The following DNAH8 variants were observed in gnomAD, a reference collection of about 807,000 sequenced individuals.
DNAH8 encodes axonemal beta dynein heavy chain 8.
Under a neutral mutation model 562.1 loss-of-function variants are expected in DNAH8, and 382 were observed. That is an observed-to-expected ratio of 0.68 (90% confidence interval 0.63 to 0.74). The LOEUF (loss-of-function observed/expected upper bound fraction) is 0.74. DNAH8 is among the 30% of genes least tolerant of loss of function. The pLI is 0.00. For missense variants in DNAH8, 5,203 were observed against 5,620.4 expected, an observed-to-expected ratio of 0.93 and a Z score of 2.37; for synonymous variants, 1,881 against 1,919.4, an observed-to-expected ratio of 0.98 and a Z score of 0.52.
At chr6:38,821,154 C>A (rs1388251504) in intron 26 of DNAH8, among the ~76,000 whole-genome samples, 1 of 152,162 alleles carries the variant, frequency 6.6e-6, no homozygotes, top group African/African-American at 2.4e-5. Context: ...TTCAGTAAGA[C>A]TGCAGGATAC....
intron 88 of DNAH8, among the ~76,000 whole-genome samples, chr6:38,998,409 G>T (rs1266673253): frequency 6.6e-6 from 1 of 152,240 alleles, no homozygotes; most frequent in East Asian, 1.9e-4. Context: ...AAAAATGGTT[G>T]CTTATTTTCA....
At position 38,989,868 on chromosome 6, in the gene DNAH8, T is replaced by C. The variant is rs868320894; in HGVS notation, c.13054-144T>C. ...TTCTCCATATATGTGGTAATTATTC[T>C]ATCAGTAGTATTGTTAAAGCATTCT... On this transcript the variant is annotated intron_variant, in intron 87 of 92. Coordinates refer to ENST00000327475, the MANE Select transcript of DNAH8 (RefSeq NM_001206927.2). 5.4e-6 allele frequency: 3 copies of C among 552,978 alleles called. No homozygotes were observed. In the South Asian group the frequency reaches 7.8e-5, roughly 14 times the overall value. 34.3% of individuals were successfully genotyped at this position (552,978 alleles called of 1,614,324 possible).
chr6:38,882,713 G>T (rs1778596026), intron 53 of DNAH8, among the ~76,000 whole-genome samples, 197 bp from the exon 54 acceptor site: 1 of 151,980 alleles, frequency 6.6e-6, no homozygotes, highest in South Asian at 2.1e-4. Flanking sequence ...TTTAAAAGCT[G>T]ACTTTATAAA....
chr6:39,016,318 G>A (rs1249051718), intron 91 of DNAH8, among the ~76,000 whole-genome samples: 2 of 152,180 alleles, frequency 1.3e-5, no homozygotes, highest in Middle Eastern at 3.4e-3. Flanking sequence ...TTGGGAGGCC[G>A]AGGCGGGCGG....
intron 21 of DNAH8, among the ~76,000 whole-genome samples, chr6:38,795,425 A>G (rs957509447): frequency 3.7e-4 from 57 of 152,128 alleles, no homozygotes; most frequent in African/African-American, 1.4e-3. Context: ...TAAAAATACA[A>G]AAAAATTAGC....
Position 38,942,069 on chromosome 6 carries a change from G to T in DNAH8, c.12007+3081G>T, listed in dbSNP as rs570936138. ...CATGAAAGGAGCCATCTATGCACCA[G>T]GAAATGGGCCCTCACCAGACGTTGA... On this transcript the variant is annotated intron_variant, in intron 79 of 92. Transcript: ENST00000327475. 5.3e-5 allele frequency among the ~76,000 whole-genome samples: 8 copies of T among 152,256 alleles called. 2 individuals carry two copies. In the South Asian group the frequency reaches 1.7e-3, roughly 32 times the overall value.
At position 39,012,513 on chromosome 6, in the gene DNAH8, T is replaced by C. The variant is rs767298796; in HGVS notation, c.13590T>C (p.Ser4530=). 1.2e-6 allele frequency: 2 copies of C among 1,614,092 alleles called. No homozygotes were observed. Among genetic ancestry groups the C allele is most frequent in the East Asian group, 4.5e-5 (2 of 44,880 alleles). ...TACCTCAGCTCTGGAAAAGAGTGTC[T>C]TGGGATTCGTCCACACTGGGCTTCT... The part of the protein sequence containing the change: ...ARIPQLWKRV[S]WDSSTLGFWF... The change falls in exon 91 of 93, where the codon TCT becomes TCC. Residue 4530 remains serine, a synonymous_variant. Transcript: ENST00000327475.
intron 53 of DNAH8, among the ~76,000 whole-genome samples, chr6:38,877,638 A>T (rs1778127523): frequency 6.6e-6 from 1 of 152,152 alleles, no homozygotes. Flanking sequence ...TAACATGTCC[A>T]CTCAGCTGAC....
Position 38,734,557 on chromosome 6 carries a change from A to T in DNAH8, c.694A>T (p.Lys232Ter). ...YIDNAAPDKL[K>*]GLCIFFVRCR... ...AGACAATGCAGCCCCGGATAAACTAAAAGGACTGTGCATATTTTTTGTTCG... is the reference window on the plus strand; with the variant it reads ...AGACAATGCAGCCCCGGATAAACTATAAGGACTGTGCATATTTTTTGTTCG... Residue 232 changes from lysine (K) to a stop codon, truncating the protein, a stop_gained, in exon 5 of 93, where the codon AAA becomes TAA. Coordinates refer to ENST00000327475, the MANE Select transcript of DNAH8 (RefSeq NM_001206927.2). LOFTEE classifies it high-confidence loss of function. The T allele has an allele frequency of 6.2e-7, 1 of 1,613,888 alleles. No homozygotes were observed.
chr6:39,024,099 C>T (rs1234888964), intron 91 of DNAH8, among the ~76,000 whole-genome samples: 2 of 152,296 alleles, frequency 1.3e-5, no homozygotes, highest in East Asian at 1.9e-4. Context: ...GCTAAATAAG[C>T]GAGAATCCAG....
At chr6:39,008,400 G>A (rs1433084624) in intron 88 of DNAH8, among the ~76,000 whole-genome samples, 1 of 152,102 alleles carries the variant, frequency 6.6e-6, no homozygotes, top group East Asian at 1.9e-4. Context: ...GAGGAAATAT[G>A]AATGTTCCTC....
At chr6:38,769,845 C>A (rs1244236555) in intron 11 of DNAH8, among the ~76,000 whole-genome samples, 20 of 152,082 alleles carry the variant, frequency 1.3e-4, no homozygotes, top group Admixed American at 1.3e-3. Flanking sequence ...TTAACATTAA[C>A]AAAAAAGATT....
intron 75 of DNAH8, among the ~76,000 whole-genome samples, chr6:38,930,258 A>G (rs74769212): frequency 0.013 from 1,960 of 152,110 alleles, 36 homozygotes; most frequent in Middle Eastern, 0.038. Context: ...GTGATGAATT[A>G]TTTTCAATTT....
chr6:38,734,660 A>G (rs1763943340), intron 5 of DNAH8, 35 bp downstream of exon 5: 2 of 1,599,600 alleles, frequency 1.3e-6, no homozygotes, highest in African/African-American at 1.3e-5. Context: ...ACATAGTTAA[A>G]CATTGAATAT....
intron 12 of DNAH8, among the ~76,000 whole-genome samples, chr6:38,772,971 C>CTTTTTTTTTTTTGTTTT (rs1767713886): frequency 1.1e-5 from 1 of 88,088 alleles, no homozygotes; most frequent in Non-Finnish European, 2.1e-5. Flanking sequence ...GCTAATTAAA[C>CTTTTTTTTTTTTGTTTT]TTTTTTTTTT....
intron 41 of DNAH8, among the ~76,000 whole-genome samples, chr6:38,856,036 G>A (rs1776169333): frequency 6.6e-6 from 1 of 152,190 alleles, no homozygotes; most frequent in Non-Finnish European, 1.5e-5. Flanking sequence ...GGGACCACTG[G>A]TATAGATCAC....
At position 38,923,044 on chromosome 6, in the gene DNAH8, C is replaced by T. The variant is rs561254598; in HGVS notation, c.10663-14C>T. 6.2e-7 allele frequency: 1 copy of T among 1,608,280 alleles called. No individual in the cohort carries two copies. Among genetic ancestry groups the T allele is most frequent in the East Asian group, 2.2e-5 (1 of 44,726 alleles). On this transcript the variant is annotated splice_polypyrimidine_tract_variant and intron_variant, in intron 71 of 92. Coordinates refer to ENST00000327475, the MANE Select transcript of DNAH8 (RefSeq NM_001206927.2). ...AGAAAAGTTTTTTGAGACATTCTCC[C>T]ATTATGGCTGCAGGATTTGCTTAAT... is the stretch of plus-strand genomic sequence containing the variant.
Position 38,872,644 on chromosome 6 carries a change from A to C in DNAH8, c.7099A>C (p.Arg2367=). The C allele has an allele frequency of 6.2e-7, 1 of 1,614,166 alleles. No homozygotes were observed. Among genetic ancestry groups the C allele is most frequent in the Non-Finnish European group, 8.5e-7 (1 of 1,179,990 alleles). ...AATGAAGGCGCAAACAGAATGCGGA[A>C]GGCCTCATAGAGAAATGCGAATGAA... is the stretch of plus-strand genomic sequence containing the variant. The part of the protein sequence containing the change: ...ILMKAQTECG[R]PHREMRMNPK... The change falls in exon 50 of 93, where the codon AGG becomes CGG. Residue 2367 remains arginine (R), a synonymous_variant. Transcript: ENST00000327475.
chr6:38,947,175 A>G (rs369114496), intron 80 of DNAH8, among the ~76,000 whole-genome samples: 11 of 152,198 alleles, frequency 7.2e-5, no homozygotes, highest in Non-Finnish European at 1.6e-4. Context: ...CCATGCCATC[A>G]TGAGTTATTT....
Sources: allele counts gnomAD v4.1 joint callset (sites outside exome capture counted in the v4.1 genomes callset), GRCh38; gene constraint gnomAD v4.1.1; transcripts MANE v1.5; gene names NCBI Gene and HGNC (gene_info 2026-07-23, HGNC 2026-07-21).